SYNE2: variants seen among roughly 807,000 people sequenced by gnomAD.
SYNE2 encodes spectrin repeat containing nuclear envelope protein 2.
SYNE2 carries 431 observed loss-of-function variants against 856.3 expected under a neutral mutation model. The ratio of observed to expected loss-of-function variants is 0.50; its 90% CI spans 0.47 to 0.55. SYNE2 has a LOEUF of 0.55. Ranked by LOEUF, SYNE2 falls within the 20% of genes least tolerant of loss-of-function variation. The probability of loss-of-function intolerance (pLI) is 0.00; values close to 1 mark genes in which losing one functional copy is unlikely to be tolerated. For synonymous variants in SYNE2, 2,923 were observed against 2,872.3 expected (o/e 1.02, Z -0.56); for missense variants, 8,129 against 8,023.2 (o/e 1.01, Z -0.50).
intron 1 of SYNE2, among the ~76,000 whole-genome samples, chr14:63,796,414 G>A (rs1372850511): frequency 1.3e-5 from 2 of 151,920 alleles, no homozygotes; most frequent in Non-Finnish European, 2.9e-5. Flanking sequence ...ACGAGATCTC[G>A]CCGCTGCACT....
rs778156427 is a variant in SYNE2 at position 64,220,630 on chromosome 14, A to G, written c.20054A>G (p.Gln6685Arg). Residue 6685 changes from glutamine (Q) to arginine (R), a missense_variant, in exon 111 of 116, where the codon CAG becomes CGG. By Grantham distance (43) the Gln-to-Arg change is conservative. Transcript: ENST00000555002. ...WRGGLRQSLMQCQDFHQLSQN... is the reference protein window; with the variant it reads ...WRGGLRQSLMRCQDFHQLSQN... ...GGGGGCTTACGACAGTCGCTCATGC[A>G]GTGCCAGGTACGCTGACTCAGCAGC... 6.2e-7 allele frequency: 1 copy of G among 1,613,882 alleles called. No homozygotes were observed. Among genetic ancestry groups the G allele is most frequent in the East Asian group, 2.2e-5 (1 of 44,892 alleles).
In SYNE2 at chr14:64,007,123, C is replaced by G; in HGVS notation, c.4478C>G (p.Ser1493Cys). Residue 1493 changes from serine (S) to cysteine (C), a missense_variant, in exon 31 of 116, where the codon TCT becomes TGT. Coordinates refer to ENST00000555002, the MANE Select transcript of SYNE2 (RefSeq NM_182914.3). Reference sequence around the variant, plus strand: ...AGACATTTACAAGAAATGGCTAATTCTCTTCCACACTTCAAAGATGGCAGA... The same window carrying G: ...AGACATTTACAAGAAATGGCTAATTGTCTTCCACACTTCAAAGATGGCAGA... ...EKRHLQEMANSLPHFKDGREK... is the reference protein window; with the variant it reads ...EKRHLQEMANCLPHFKDGREK... 6.2e-7 allele frequency: 1 copy of G among 1,613,750 alleles called. No individual in the cohort carries two copies. The highest frequency in any genetic ancestry group is 1.1e-5 in the South Asian group (1 of 91,074).
chr14:64,132,735 C>G (rs1397291331), intron 77 of SYNE2, among the ~76,000 whole-genome samples: 1 of 152,134 alleles, frequency 6.6e-6, no homozygotes, highest in Non-Finnish European at 1.5e-5. Context: ...TTGGGTGAAA[C>G]AGTTATTGGT....
chr14:64,030,130 C>G (rs2097021014), intron 44 of SYNE2, 71 bp downstream of exon 44: 1 of 1,449,796 alleles, frequency 6.9e-7, no homozygotes, highest in Non-Finnish European at 9.6e-7. Flanking sequence ...TGTGATTAAT[C>G]AGTGTCCTCT....
At position 64,177,464 on chromosome 14, in the gene SYNE2, A is replaced by G. The variant is rs1346504437; in HGVS notation, c.17537A>G (p.Asn5846Ser). The G allele has an allele frequency of 6.2e-7, 1 of 1,614,194 alleles. No homozygotes were observed. The highest frequency in any genetic ancestry group is 2.2e-5 in the East Asian group (1 of 44,874). ...CCAGAGCTTCACGAGGACCTCCATA[A>G]CGAAAAAGAGCTGATTAAGGTATTG... ...PLPELHEDLHNEKELIKELEQ... is the reference protein window; with the variant it reads ...PLPELHEDLHSEKELIKELEQ... Residue 5846 changes from asparagine to serine, a missense_variant, in exon 96 of 116, where the codon AAC becomes AGC. Transcript: ENST00000555002.
chr14:63,939,743 C>G (rs1016380306), intron 2 of SYNE2, among the ~76,000 whole-genome samples: 10 of 152,336 alleles, frequency 6.6e-5, no homozygotes, highest in Non-Finnish European at 1.0e-4. Context: ...ATAATAATCT[C>G]TAGAGACAAA....
At chr14:63,976,960 A>T (rs562464356) in intron 12 of SYNE2, among the ~76,000 whole-genome samples, 1 of 150,528 alleles carries the variant, frequency 6.6e-6, no homozygotes, top group South Asian at 2.1e-4. Context: ...TAGAGTTCTA[A>T]AGCAACTATA....
rs927113161 is a variant in SYNE2 at position 64,226,384 on chromosome 14, G to A, written c.*858G>A. ...TTGGTACAGAAACTTGAAGCTGTTTGTGATATGTACAACTCAGATGTTTCT... is the reference window on the plus strand; with the variant it reads ...TTGGTACAGAAACTTGAAGCTGTTTATGATATGTACAACTCAGATGTTTCT... On this transcript the variant is annotated 3_prime_UTR_variant, in exon 116 of 116. Coordinates refer to ENST00000555002, the MANE Select transcript of SYNE2 (RefSeq NM_182914.3). The A allele has an allele frequency of 6.6e-6, 1 of 152,556 alleles. No homozygotes were observed. The highest frequency in any genetic ancestry group is 2.4e-5 in the African/African-American group (1 of 41,414). 9.5% of individuals were successfully genotyped at this position (152,556 alleles called of 1,614,324 possible).
chr14:63,793,758 G>A (rs1887819154), intron 1 of SYNE2, among the ~76,000 whole-genome samples: 2 of 129,798 alleles, frequency 1.5e-5, no homozygotes, highest in South Asian at 2.3e-4. Flanking sequence ...GCAACAAAAT[G>A]AGGCCCCCCC....
chr14:64,136,423 CG>C (rs747310886), intron 78 of SYNE2, among the ~76,000 whole-genome samples: 4 of 145,514 alleles, frequency 2.7e-5, no homozygotes, highest in African/African-American at 7.7e-5. Context: ...TGCTCAGACA[CG>C]GGGGGGAGGG....
At chr14:64,036,643 G>A (rs545508813) in intron 45 of SYNE2, among the ~76,000 whole-genome samples, 1 of 152,138 alleles carries the variant, frequency 6.6e-6, no homozygotes, top group African/African-American at 2.4e-5. Context: ...TACATTGACA[G>A]GCCCTCAGTT....
chr14:64,174,388 A>G (rs919093854), intron 94 of SYNE2, among the ~76,000 whole-genome samples: 2 of 151,294 alleles, frequency 1.3e-5, no homozygotes, highest in African/African-American at 4.9e-5. Flanking sequence ...TATTGTTTTT[A>G]AATTGTTTTT....
At position 63,962,024 on chromosome 14, in the gene SYNE2, T is replaced by C. The variant is rs372665835; in HGVS notation, c.888+399T>C. ...AAGATATCAAATTTTTATTATAATA[T>C]TCTATTTTTTATTTTTATTTTTATT... On this transcript the variant is annotated intron_variant, in intron 9 of 115. Transcript: ENST00000555002. Among the ~76,000 whole-genome samples, 20 of 151,602 alleles carry C rather than the reference T, an allele frequency of 1.3e-4. No individual in the cohort carries two copies. In the East Asian group the frequency reaches 1.5e-3, roughly 12 times the overall value.
upstream of SYNE2, among the ~76,000 whole-genome samples, chr14:63,849,806 T>C (rs1297638755): frequency 6.6e-6 from 1 of 152,196 alleles, no homozygotes; most frequent in Admixed American, 6.5e-5. Context: ...TTGAGTTCCT[T>C]AGACCATGAT....
In SYNE2 at chr14:64,024,336, C is replaced by T; in HGVS notation, c.5717C>T (p.Pro1906Leu). ...SVLKHVKKHLPKAHVKELISW... is the reference protein window; with the variant it reads ...SVLKHVKKHLLKAHVKELISW... ...CTGAAGCATGTGAAGAAGCATCTGCCCAAAGCACATGTGAAGGAGCTTATC... is the reference window on the plus strand; with the variant it reads ...CTGAAGCATGTGAAGAAGCATCTGCTCAAAGCACATGTGAAGGAGCTTATC... The change falls in exon 39 of 116, where the codon CCC (proline) becomes CTC (leucine). Residue 1906 changes from proline to leucine, a missense_variant. This residue lies in a region of SYNE2 where 2,422 missense variants were observed against 2,357.4 expected (regional missense o/e 1.03). Transcript: ENST00000555002. 1 of 1,614,006 alleles carries T rather than the reference C, an allele frequency of 6.2e-7. No individual in the cohort carries two copies. The highest frequency in any genetic ancestry group is 8.5e-7 in the Non-Finnish European group (1 of 1,179,986).
intron 11 of SYNE2, among the ~76,000 whole-genome samples, chr14:63,973,622 A>C (rs2096498837): frequency 7.8e-6 from 1 of 128,354 alleles, no homozygotes; most frequent in Non-Finnish European, 1.6e-5. Context: ...ACACACCGAG[A>C]GTCCATCTCA....
chr14:64,168,116 T>G (rs993467575), intron 92 of SYNE2, among the ~76,000 whole-genome samples: 6 of 152,192 alleles, frequency 3.9e-5, no homozygotes, highest in Admixed American at 3.3e-4. Flanking sequence ...CTTTTTTTGG[T>G]GGGGGGAGAC....
In SYNE2 at chr14:64,012,845, G is replaced by A. The variant is rs566974671; in HGVS notation, c.4728+2729G>A. Among the ~76,000 whole-genome samples the A allele has an allele frequency of 3.0e-4, 46 of 152,240 alleles. 2 individuals are homozygous for A. In the South Asian group the frequency reaches 3.1e-3, roughly 10 times the overall value. On this transcript the variant is annotated intron_variant, in intron 32 of 115. Transcript: ENST00000555002. ...TTCAGTTAATTTTGTGATGACATAG[G>A]TACTATCTTCACAAACAGTCCATTT...
chr14:64,017,246 G>A (rs977361148), intron 33 of SYNE2, among the ~76,000 whole-genome samples: 3 of 148,730 alleles, frequency 2.0e-5, no homozygotes, highest in Admixed American at 6.8e-5. Context: ...GGAGAATGGC[G>A]TGAACTCGGG....
Sources: allele counts gnomAD v4.1 joint callset (sites outside exome capture counted in the v4.1 genomes callset), GRCh38; gene constraint gnomAD v4.1.1; regional missense constraint gnomAD v4.1.1; transcripts MANE v1.5; gene names NCBI Gene and HGNC (gene_info 2026-07-23, HGNC 2026-07-21).